The following ZCCHC7 variants were observed in gnomAD, a reference collection of about 807,000 sequenced individuals.
ZCCHC7 encodes the protein zinc finger CCHC domain-containing protein 7.
ZCCHC7 carries 35 observed loss-of-function variants against 52.0 expected under a neutral mutation model. That is an observed-to-expected ratio of 0.67 (90% confidence interval 0.51 to 0.89). The LOEUF (loss-of-function observed/expected upper bound fraction) is 0.89, where lower values mean the gene tolerates loss of function less well. Ranked by LOEUF, ZCCHC7 falls within the 40% of genes least tolerant of loss-of-function variation. The pLI, the probability that ZCCHC7 is intolerant of heterozygous loss-of-function variation, is 0.00. For synonymous variants in ZCCHC7, 217 were observed against 221.5 expected (o/e 0.98, Z 0.18); for missense variants, 574 against 649.1 (o/e 0.88, Z 1.26).
chr9:37,351,918 G>A (rs542770606), intron 7 of ZCCHC7, among the ~76,000 whole-genome samples: 1 of 152,312 alleles, frequency 6.6e-6, no homozygotes, highest in African/African-American at 2.4e-5. Flanking sequence ...AAATCTAGAT[G>A]TAGATAATTT....
intron 2 of ZCCHC7, among the ~76,000 whole-genome samples, chr9:37,154,692 G>A (rs10973234): frequency 0.011 from 1,682 of 151,264 alleles, 31 homozygotes; most frequent in African/African-American, 0.037. Context: ...ACGAGGTTTT[G>A]CCATGTTGCC....
chr9:37,183,680 ATATTTTACT>A (rs757549979), intron 2 of ZCCHC7, among the ~76,000 whole-genome samples: 18 of 152,344 alleles, frequency 1.2e-4, no homozygotes, highest in Non-Finnish European at 1.9e-4. Flanking sequence ...CTAATAGCAA[ATATTTTACT>A]TATTTTACTT....
chr9:37,335,903 A>T (rs1178096323), intron 6 of ZCCHC7, among the ~76,000 whole-genome samples: 5 of 152,216 alleles, frequency 3.3e-5, no homozygotes, highest in African/African-American at 9.6e-5. Flanking sequence ...TAAATGTGTG[A>T]GTCTTAAGTG....
At chr9:37,190,285 GAAT>G (rs1822950269) in intron 2 of ZCCHC7, among the ~76,000 whole-genome samples, 1 of 151,852 alleles carries the variant, frequency 6.6e-6, no homozygotes, top group African/African-American at 2.4e-5. Context: ...ATGTTGAAAA[GAAT>G]AAAAAAAATG....
chr9:37,131,337 C>CA (rs548078026), intron 2 of ZCCHC7, among the ~76,000 whole-genome samples: 7,045 of 112,440 alleles, frequency 0.063, 584 homozygotes, highest in African/African-American at 0.21. Flanking sequence ...GAGACTCTGT[C>CA]AAAAAAAAAA....
intron 2 of ZCCHC7, among the ~76,000 whole-genome samples, chr9:37,248,893 CT>C (rs1826194666): frequency 6.6e-6 from 1 of 152,218 alleles, no homozygotes; most frequent in Non-Finnish European, 1.5e-5. Context: ...TTTTGTAAAG[CT>C]TTCCCTACTT....
chr9:37,235,553 C>T (rs1383645550), intron 2 of ZCCHC7, among the ~76,000 whole-genome samples: 5 of 100,848 alleles, frequency 5.0e-5, no homozygotes, highest in African/African-American at 1.9e-4. Flanking sequence ...CCTCCCCTCC[C>T]CTCCCCTCCC....
intron 2 of ZCCHC7, among the ~76,000 whole-genome samples, chr9:37,268,684 C>T (rs1024034734): frequency 1.3e-5 from 2 of 152,300 alleles, no homozygotes; most frequent in African/African-American, 4.8e-5. Flanking sequence ...CCTCGGCCTC[C>T]CAAAGTGCTG....
chr9:37,275,288 A>G (rs949708521), intron 2 of ZCCHC7, among the ~76,000 whole-genome samples: 1 of 147,438 alleles, frequency 6.8e-6, no homozygotes, highest in South Asian at 2.1e-4. Context: ...GTCACTGATA[A>G]CTTCTCCTAA....
intron 2 of ZCCHC7, among the ~76,000 whole-genome samples, chr9:37,184,364 T>C (rs1340928100): frequency 2.6e-5 from 4 of 151,524 alleles, no homozygotes; most frequent in African/African-American, 9.7e-5. Flanking sequence ...TAGTGGCAGT[T>C]TTCTAGATTC....
intron 1 of ZCCHC7, among the ~76,000 whole-genome samples, chr9:37,124,383 A>G (rs1203832824): frequency 2.6e-5 from 4 of 151,802 alleles, no homozygotes; most frequent in African/African-American, 9.7e-5. Context: ...TTTTAAGCAC[A>G]TACTAGATTT....
chr9:37,178,077 C>T (rs1440454136), intron 2 of ZCCHC7, among the ~76,000 whole-genome samples: 2 of 152,160 alleles, frequency 1.3e-5, no homozygotes, highest in Non-Finnish European at 2.9e-5. Flanking sequence ...CATGAGAACT[C>T]GTTGTACTAT....
intron 2 of ZCCHC7, among the ~76,000 whole-genome samples, chr9:37,155,928 T>G (rs761864453): frequency 1.3e-5 from 2 of 152,228 alleles, no homozygotes; most frequent in Admixed American, 6.5e-5. Flanking sequence ...CAAAGGTAAA[T>G]AAGACTAGAG....
chr9:37,333,334 AT>A (rs973780944), intron 6 of ZCCHC7, among the ~76,000 whole-genome samples: 6 of 151,666 alleles, frequency 4.0e-5, no homozygotes, highest in African/African-American at 1.4e-4. Context: ...TTTGGCTCAT[AT>A]TTTTAGATAT....
intron 2 of ZCCHC7, among the ~76,000 whole-genome samples, chr9:37,213,706 A>G (rs1035641577): frequency 2.0e-5 from 3 of 152,144 alleles, no homozygotes; most frequent in Non-Finnish European, 4.4e-5. Context: ...ACTAGTACCA[A>G]TATGCCAAGT....
At chr9:37,290,584 A>T (rs1828488226) in intron 2 of ZCCHC7, among the ~76,000 whole-genome samples, 1 of 152,114 alleles carries the variant, frequency 6.6e-6, no homozygotes, top group Admixed American at 6.6e-5. Context: ...TGCACCCGGG[A>T]GGCGGATGGA....
At chr9:37,301,565 A>G (rs1829031254) in intron 2 of ZCCHC7, among the ~76,000 whole-genome samples, 1 of 152,096 alleles carries the variant, frequency 6.6e-6, no homozygotes, top group African/African-American at 2.4e-5. Flanking sequence ...GTACCACTGT[A>G]CTCCAGTCTT....
chr9:37,122,382 G>T (rs1005455134), intron 1 of ZCCHC7, among the ~76,000 whole-genome samples: 1 of 152,214 alleles, frequency 6.6e-6, no homozygotes, highest in African/African-American at 2.4e-5. Flanking sequence ...TCATTTGCAT[G>T]ATATTTTAAG....
At chr9:37,171,362 G>A (rs1943931257) in intron 2 of ZCCHC7, among the ~76,000 whole-genome samples, 1 of 152,174 alleles carries the variant, frequency 6.6e-6, no homozygotes, top group Non-Finnish European at 1.5e-5. Context: ...CTGTTTTCAT[G>A]TTCTGTCAGT....
Sources: gnomAD v4.1 joint callset for allele counts (sites outside exome capture counted in the v4.1 genomes callset) on GRCh38, gnomAD v4.1.1 for gene constraint, MANE v1.5 for transcripts, NCBI Gene and HGNC (gene_info 2026-07-23, HGNC 2026-07-21) for gene names.